Variants in CEP70 observed in about 807,000 individuals in gnomAD.
CEP70 encodes the protein centrosomal protein 70.
Under a neutral mutation model 90.9 loss-of-function variants are expected in CEP70, and 70 were observed. The ratio of observed to expected loss-of-function variants is 0.77; its 90% CI spans 0.64 to 0.94. The LOEUF is 0.94. CEP70 is among the 40% of genes least tolerant of loss of function. The pLI is 0.00. For missense variants in CEP70, 648 were observed against 669.0 expected (o/e 0.97, Z 0.35); for synonymous variants, 220 against 228.3 (o/e 0.96, Z 0.33).
intron 2 of CEP70, among the ~76,000 whole-genome samples, chr3:138,581,519 C>T (rs546984077): frequency 1.9e-4 from 28 of 151,134 alleles, no homozygotes; most frequent in Admixed American, 1.1e-3. Flanking sequence ...GCCTGGCCAA[C>T]GTGGTGAAAC....
Position 138,500,729 on chromosome 3 carries a change from T to C in CEP70, c.1368+6A>G, listed in dbSNP as rs534389214. The C allele has an allele frequency of 6.3e-7, 1 of 1,588,688 alleles. No individual in the cohort carries two copies. Among genetic ancestry groups the C allele is most frequent in the South Asian group, 1.2e-5 (1 of 85,762 alleles). On this transcript the variant is annotated splice_donor_region_variant and intron_variant, in intron 14 of 17. Transcript: ENST00000264982. The stretch of plus-strand genomic sequence containing the variant: ...ATTAGAAGGTGACCGTTCATGTAGG[T>C]ATTACCTTTTCCTTATTTTCAACTT...
chr3:138,577,546 G>T (rs1311377427), intron 2 of CEP70, among the ~76,000 whole-genome samples: 1 of 152,118 alleles, frequency 6.6e-6, no homozygotes, highest in Non-Finnish European at 1.5e-5. Context: ...TACTTGAGAG[G>T]CTGAGACAGG....
At chr3:138,534,332 C>T (rs149335524) in intron 7 of CEP70, among the ~76,000 whole-genome samples, 214 of 152,232 alleles carry the variant, frequency 1.4e-3, no homozygotes, top group African/African-American at 5.0e-3. Flanking sequence ...CTCTTCAAGC[C>T]TTCCGCATCT....
intron 17 of CEP70, among the ~76,000 whole-genome samples, chr3:138,495,306 CCT>C (rs1254623428): frequency 3.3e-5 from 5 of 152,164 alleles, no homozygotes; most frequent in African/African-American, 1.2e-4. Context: ...CCACAAGTAC[CCT>C]CTGATTCTAG....
At chr3:138,564,745 G>A (rs2040658043) in intron 6 of CEP70, among the ~76,000 whole-genome samples, 1 of 152,082 alleles carries the variant, frequency 6.6e-6, no homozygotes, top group African/African-American at 2.4e-5. Context: ...ATATCATACT[G>A]AATGGGCAAA....
intron 6 of CEP70, among the ~76,000 whole-genome samples, chr3:138,551,789 C>CA (rs1225355699): frequency 6.7e-6 from 1 of 148,910 alleles, no homozygotes; most frequent in Non-Finnish European, 1.5e-5. Context: ...AGTATACAGG[C>CA]AAAAAATAGC....
Position 138,534,175 on chromosome 3 carries a change from C to T in CEP70, c.636-1605G>A, listed in dbSNP as rs532492279. Among the ~76,000 whole-genome samples the T allele has an allele frequency of 5.9e-5, 9 of 152,282 alleles. No homozygotes were observed. The East Asian group carries it at 7.7e-4, about 13-fold the overall frequency. ...GCTTTCATGTGTTATTCTTTTTAAA[C>T]GAACAATATACTGTTTCCCTCCTAT... is the stretch of plus-strand genomic sequence containing the variant. On this transcript the variant is annotated intron_variant, in intron 7 of 17. Transcript: ENST00000264982.
chr3:138,535,933 G>A lies in CEP70; in HGVS notation c.635+1245C>T, dbSNP rs1443672112. On this transcript the variant is annotated intron_variant, in intron 7 of 17. Transcript: ENST00000264982. ...CTAACATTTTTATGTTTTTTTATGT[G>A]TTTGTCGTTACTTTTCCTTCAAGAG... 4.0e-5 allele frequency among the ~76,000 whole-genome samples: 6 copies of A among 151,102 alleles called. No individual in the cohort carries two copies. The South Asian group carries it at 1.0e-3, about 26-fold the overall frequency.
intron 12 of CEP70, among the ~76,000 whole-genome samples, chr3:138,506,193 C>A: frequency 6.6e-6 from 1 of 152,098 alleles, no homozygotes; most frequent in East Asian, 1.9e-4. Flanking sequence ...AAATTAACAG[C>A]AATCCCCAGG....
intron 6 of CEP70, among the ~76,000 whole-genome samples, chr3:138,552,812 G>A (rs1264934975): frequency 6.6e-6 from 1 of 151,962 alleles, no homozygotes; most frequent in Non-Finnish European, 1.5e-5. Context: ...CAGAAGAAAG[G>A]AAATAACCAA....
At chr3:138,537,019 A>AT in intron 7 of CEP70, 159 bp downstream of exon 7, 1 of 403,352 alleles carries the variant, frequency 2.5e-6, no homozygotes, top group Non-Finnish European at 4.3e-6. Context: ...AAAAAAAAAA[A>AT]GAACAGGATG....
intron 10 of CEP70, among the ~76,000 whole-genome samples, chr3:138,527,011 CA>C (rs34709482): frequency 0.55 from 83,557 of 151,640 alleles, 24,756 homozygotes; most frequent in African/African-American, 0.78. Context: ...AGACGATAGA[CA>C]AAAAAAGAGT....
intron 6 of CEP70, among the ~76,000 whole-genome samples, chr3:138,543,841 A>G (rs2038956274): frequency 2.0e-5 from 3 of 152,206 alleles, no homozygotes. Context: ...GCTCCCCCTC[A>G]AAATAACTAC....
chr3:138,571,011 A>G (rs757802549), intron 5 of CEP70, 23 bp downstream of exon 5: 1 of 1,519,884 alleles, frequency 6.6e-7, no homozygotes, highest in Non-Finnish European at 8.8e-7. Flanking sequence ...ACAATTCAAA[A>G]GAAATCTTTT....
At chr3:138,521,501 A>G (rs1269075653) in intron 11 of CEP70, among the ~76,000 whole-genome samples, 2 of 135,148 alleles carry the variant, frequency 1.5e-5, no homozygotes, top group East Asian at 2.3e-4. Context: ...CTGGCTGCCC[A>G]TTGTCTGGGA....
chr3:138,587,902 T>G (rs2042182682), intron 2 of CEP70, among the ~76,000 whole-genome samples: 1 of 152,050 alleles, frequency 6.6e-6, no homozygotes, highest in Non-Finnish European at 1.5e-5. Flanking sequence ...GACAAACAGA[T>G]TAATGAAACT....
At chr3:138,586,475 A>G (rs2042111074) in intron 2 of CEP70, among the ~76,000 whole-genome samples, 1 of 152,222 alleles carries the variant, frequency 6.6e-6, no homozygotes, top group Admixed American at 6.5e-5. Context: ...ACATATACAT[A>G]ATGGAGTACT....
chr3:138,495,678 C>G (rs111783231), intron 17 of CEP70: 1 of 161,620 alleles, frequency 6.2e-6, no homozygotes, highest in Admixed American at 6.5e-5. Flanking sequence ...ACGGTGAAAA[C>G]CCACCTCTAC....
chr3:138,561,532 A>G (rs1032062800), intron 6 of CEP70, among the ~76,000 whole-genome samples: 1 of 152,182 alleles, frequency 6.6e-6, no homozygotes, highest in African/African-American at 2.4e-5. Flanking sequence ...AACTGGATGG[A>G]GAATGAGTCT....
Sources: gnomAD v4.1 joint callset for allele counts (sites outside exome capture counted in the v4.1 genomes callset) on GRCh38, gnomAD v4.1.1 for gene constraint, MANE v1.5 for transcripts, NCBI Gene and HGNC (gene_info 2026-07-23, HGNC 2026-07-21) for gene names.